The following MYO9B variants were observed in gnomAD, a reference collection of about 807,000 sequenced individuals.
The protein encoded by MYO9B is myosin IXB.
Under a neutral mutation model 229.5 loss-of-function variants are expected in MYO9B, and 71 were observed. The observed-to-expected ratio is 0.31, with a 90% CI of 0.26 to 0.38. The LOEUF is 0.38. Among genes scored for constraint, MYO9B ranks in the 10% least tolerant of loss-of-function variants. The pLI, the probability that MYO9B is intolerant of heterozygous loss-of-function variation, is 1.00. For synonymous variants in MYO9B, 1,185 were observed against 1,235.8 expected, an observed-to-expected ratio of 0.96 and a Z score of 0.86; for missense variants, 2,255 against 2,920.5, an observed-to-expected ratio of 0.77 and a Z score of 5.25.
chr19:17,140,526 T>C (rs1477912645), intron 2 of MYO9B, among the ~76,000 whole-genome samples: 2 of 152,000 alleles, frequency 1.3e-5, no homozygotes, highest in Non-Finnish European at 2.9e-5. Context: ...TTCACTCTTA[T>C]TGCCCAGGCT....
chr19:17,112,927 G>T (rs987757425), intron 2 of MYO9B, among the ~76,000 whole-genome samples: 2 of 152,234 alleles, frequency 1.3e-5, no homozygotes, highest in East Asian at 1.9e-4. Flanking sequence ...CCTCTCATTG[G>T]GGGGCATTTC....
At chr19:17,185,595 C>A (rs1336437831) in intron 17 of MYO9B, among the ~76,000 whole-genome samples, 1 of 152,032 alleles carries the variant, frequency 6.6e-6, no homozygotes, top group Non-Finnish European at 1.5e-5. Flanking sequence ...ATCCGTGGTC[C>A]CTTCTGAGGT....
Position 17,211,801 on chromosome 19 carries a change from T to C in MYO9B, c.6058+27T>C, listed in dbSNP as rs147843677. 5 of 1,612,330 alleles carry C rather than the reference T, an allele frequency of 3.1e-6. No homozygotes were observed. The East Asian group carries it at 1.1e-4, about 36-fold the overall frequency. On this transcript the variant is annotated intron_variant, in intron 39 of 39. Coordinates refer to ENST00000682292, the MANE Select transcript of MYO9B (RefSeq NM_004145.4). Reference sequence around the variant, plus strand: ...TCAGTATTAAGGTAGCGTCTGCTTTTCTCCTTCCCGTCCATCCCAGCAGGC... The same window carrying C: ...TCAGTATTAAGGTAGCGTCTGCTTTCCTCCTTCCCGTCCATCCCAGCAGGC...
At chr19:17,096,213 T>TG (rs2057687031) in intron 1 of MYO9B, among the ~76,000 whole-genome samples, 1 of 152,112 alleles carries the variant, frequency 6.6e-6, no homozygotes, top group African/African-American at 2.4e-5. Context: ...GTTCATTCGG[T>TG]GGGTGGACAT....
Position 17,212,233 on chromosome 19 carries a change from C to T in MYO9B, c.6397C>T (p.Pro2133Ser). 6.3e-7 allele frequency: 1 copy of T among 1,580,196 alleles called. No individual in the cohort carries two copies. Among genetic ancestry groups the T allele is most frequent in the Non-Finnish European group, 8.6e-7 (1 of 1,165,664 alleles). Reference sequence around the variant, plus strand: ...GGAGCCCCTAGAAGAGGATGGCCAGCCACCTGGGGCCAAGCGGAGGTACTC... The same window carrying T: ...GGAGCCCCTAGAAGAGGATGGCCAGTCACCTGGGGCCAAGCGGAGGTACTC... ...ALEPLEEDGQPPGAKRRYSDP... is the reference protein window; with the variant it reads ...ALEPLEEDGQSPGAKRRYSDP... Residue 2133 changes from proline (P) to serine (S), a missense_variant, in exon 40 of 40, where the codon CCA becomes TCA. Pro to Ser is a moderately conservative substitution (Grantham distance 74). Around this residue, in one of 7 missense-constraint regions of MYO9B, gnomAD observed 331 missense variants for 332.5 expected, o/e 1.00. Transcript: ENST00000682292. This position sits in a 1 kb window ranked among gnomAD's most constrained non-coding sequence, Gnocchi z 5.4.
intron 1 of MYO9B, among the ~76,000 whole-genome samples, chr19:17,087,457 C>T (rs1379641838): frequency 6.6e-6 from 1 of 152,198 alleles, no homozygotes; most frequent in Admixed American, 6.5e-5. Context: ...TTGGGATGAG[C>T]TTCTTGGGAA....
At chr19:17,201,119 C>G (rs1331042762) in intron 26 of MYO9B, among the ~76,000 whole-genome samples, 1 of 152,164 alleles carries the variant, frequency 6.6e-6, no homozygotes, top group Non-Finnish European at 1.5e-5. Flanking sequence ...ACCTGTAGTC[C>G]CAGCTCCTGG....
intron 2 of MYO9B, among the ~76,000 whole-genome samples, chr19:17,140,113 G>C (rs905395811): frequency 6.6e-6 from 1 of 152,116 alleles, no homozygotes; most frequent in Non-Finnish European, 1.5e-5. Flanking sequence ...TGGAAACATA[G>C]AAGCAGTACA....
Position 17,194,816 on chromosome 19 carries a change from A to T in MYO9B, c.3389A>T (p.Gln1130Leu), listed in dbSNP as rs1402981848. Residue 1130 changes from glutamine (Q) to leucine (L), a missense_variant, in exon 22 of 40, where the codon CAG (glutamine) becomes CTG (leucine). Gln to Leu is a moderately radical substitution (Grantham distance 113). Transcript: ENST00000682292. ...AGCCCAGAGAAGACTCTCCCACCCC[A>T]GAAAACCGTGGCGGCTGAAAGTCAC... is the stretch of plus-strand genomic sequence containing the variant. ...APSPEKTLPP[Q>L]KTVAAESHEK... 6.2e-7 allele frequency: 1 copy of T among 1,613,254 alleles called. No homozygotes were observed. The highest frequency in any genetic ancestry group is 8.5e-7 in the Non-Finnish European group (1 of 1,179,896).
rs187459080 is a variant in MYO9B, at chr19:17,202,086, G to A, written c.4663-44G>A. On this transcript the variant is annotated intron_variant, in intron 27 of 39. Coordinates refer to ENST00000682292, the MANE Select transcript of MYO9B (RefSeq NM_004145.4). ...CTGCTCAGACCCGTCATTCCCATCC[G>A]CCCCTTGCCCAGGCCTGCAGGGTGA... 5.9e-4 allele frequency: 951 copies of A among 1,611,818 alleles called. 5 individuals are homozygous for A. In the African/African-American group the frequency reaches 0.011, roughly 19 times the overall value.
At chr19:17,144,098 C>T (rs755561067) in intron 2 of MYO9B, among the ~76,000 whole-genome samples, 5 of 151,926 alleles carry the variant, frequency 3.3e-5, no homozygotes, top group Admixed American at 6.6e-5. Flanking sequence ...TGCCTGTGGT[C>T]GCAGCTACTT....
At chr19:17,111,877 A>T (rs2057851043) in intron 2 of MYO9B, among the ~76,000 whole-genome samples, 1 of 152,072 alleles carries the variant, frequency 6.6e-6, no homozygotes, top group South Asian at 2.1e-4. Flanking sequence ...GGAATCTCTC[A>T]CACTCTGTGG....
Position 17,212,174 on chromosome 19 carries a change from C to T in MYO9B, c.6338C>T (p.Thr2113Met), listed in dbSNP as rs751896302. 27 of 1,580,710 alleles carry T rather than the reference C, an allele frequency of 1.7e-5. No individual in the cohort carries two copies. Among genetic ancestry groups the T allele is most frequent in the Middle Eastern group, 1.7e-4 (1 of 6,042 alleles). ...GACCAGATACATTCCGTGTACATCA[C>T]GCCCGGGGCAGACCTGCCAGTGCAG... ...RPDQIHSVYI[T>M]PGADLPVQGA... Residue 2113 changes from threonine to methionine, a missense_variant, in exon 40 of 40, where the codon ACG becomes ATG. Physicochemically the swap from Thr to Met is moderately conservative, Grantham distance 81 (BLOSUM62 -1). Coordinates refer to ENST00000682292, the MANE Select transcript of MYO9B (RefSeq NM_004145.4). The surrounding 1 kb of genome is among the most constrained non-coding windows in gnomAD (Gnocchi z 5.4).
At chr19:17,123,097 TAATA>T (rs1334788626) in intron 2 of MYO9B, among the ~76,000 whole-genome samples, 2 of 152,048 alleles carry the variant, frequency 1.3e-5, no homozygotes, top group African/African-American at 4.8e-5. Context: ...AGTAAATAAA[TAATA>T]AATAAGTAAA....
At chr19:17,109,689 T>G (rs531958637) in intron 2 of MYO9B, among the ~76,000 whole-genome samples, 1 of 152,324 alleles carries the variant, frequency 6.6e-6, no homozygotes, top group East Asian at 1.9e-4. Context: ...TCCCGGGTTC[T>G]GGTGGCTTCA....
intron 10 of MYO9B, among the ~76,000 whole-genome samples, chr19:17,164,443 C>T (rs1229981138): frequency 1.3e-5 from 2 of 151,534 alleles, no homozygotes; most frequent in Admixed American, 6.6e-5. Context: ...TGCAGTGGCA[C>T]GATCTCGGCT....
At chr19:17,099,586 C>A (rs151118701) in intron 1 of MYO9B, among the ~76,000 whole-genome samples, 2 of 151,446 alleles carry the variant, frequency 1.3e-5, no homozygotes, top group East Asian at 3.9e-4. Flanking sequence ...AAGCCCGAAG[C>A]GGGTGGATCA....
chr19:17,202,694 G>T, intron 28 of MYO9B, 148 bp from the exon 29 acceptor site: 1 of 791,416 alleles, frequency 1.3e-6, no homozygotes, highest in South Asian at 1.7e-5. Flanking sequence ...GGTCTGGGGT[G>T]TCTGAATGGG....
At chr19:17,115,569 A>G (rs923245518) in intron 2 of MYO9B, among the ~76,000 whole-genome samples, 8 of 151,208 alleles carry the variant, frequency 5.3e-5, no homozygotes, top group Non-Finnish European at 8.8e-5. Context: ...CCCGGGTTCA[A>G]GCAATTCTCC....
Sources: gnomAD v4.1 joint callset for allele counts (sites outside exome capture counted in the v4.1 genomes callset) on GRCh38, gnomAD v4.1.1 for gene constraint, gnomAD v4.1.1 regional missense constraint, Gnocchi (gnomAD v3.1) non-coding constraint, MANE v1.5 for transcripts, NCBI Gene and HGNC (gene_info 2026-07-23, HGNC 2026-07-21) for gene names.